The following SLC66A2 variants were observed in gnomAD, a reference collection of about 807,000 sequenced individuals.
SLC66A2 encodes the protein PQ loop repeat containing 1.
In SLC66A2, 23 loss-of-function variants were observed where a neutral mutation model predicts 25.5. The observed-to-expected ratio is 0.90, with a 90% confidence interval of 0.65 to 1.28. The LOEUF (loss-of-function observed/expected upper bound fraction) is 1.28. Among genes scored for constraint, SLC66A2 ranks in the 50% most tolerant of loss-of-function variants. SLC66A2 has a pLI of 0.00. For synonymous variants in SLC66A2, 193 were observed against 166.5 expected (o/e 1.16, Z -1.23); for missense variants, 396 against 373.1 (o/e 1.06, Z -0.51).
Position 79,910,902 on chromosome 18 carries a change from A to T in SLC66A2, c.609-6719T>A, listed in dbSNP as rs571167739. ...TTCAGTGAAACAGTCAAAGCAAGCA[A>T]CCCAGACCTAGAGAGACAGCTTTTA... is the stretch of plus-strand genomic sequence containing the variant. On this transcript the variant is annotated intron_variant, in intron 5 of 5. Transcript: ENST00000397778. Among the ~76,000 whole-genome samples the T allele has an allele frequency of 4.6e-5, 7 of 152,356 alleles. No individual in the cohort carries two copies. In the East Asian group the frequency reaches 1.2e-3, roughly 25 times the overall value.
Position 79,937,017 on chromosome 18 carries a change from C to T in SLC66A2, c.338-2995G>A, listed in dbSNP as rs930789347. The stretch of plus-strand genomic sequence containing the variant: ...GGGCAGAAGGGAGGCAGAGCTCAGG[C>T]TAAGCGACACAGCCAGGCCTGGAGG... On this transcript the variant is annotated intron_variant, in intron 3 of 5. Transcript: ENST00000397778. This position sits in a 1 kb window ranked among gnomAD's most constrained non-coding sequence, Gnocchi z 5.4. 6.6e-6 allele frequency among the ~76,000 whole-genome samples: 1 copy of T among 152,130 alleles called. No individual in the cohort carries two copies. The highest frequency in any genetic ancestry group is 2.4e-5 in the African/African-American group (1 of 41,420).
In SLC66A2 at chr18:79,950,802, C is replaced by G; in HGVS notation, c.125G>C (p.Arg42Thr). ...PYVPQYRDIR[R>T]TQNADGFSTY... ...GGAGAAGCCGTCGGCGTTCTGCGTC[C>G]TGCGAATGTCCCGATACTGCGGGAC... Residue 42 changes from arginine to threonine, a missense_variant, in exon 2 of 6, where the codon AGG becomes ACG. Physicochemically the swap from Arg to Thr is moderately conservative, Grantham distance 71. Transcript: ENST00000397778. 1 of 1,613,170 alleles carries G rather than the reference C, an allele frequency of 6.2e-7. No homozygotes were observed. Among genetic ancestry groups the G allele is most frequent in the Non-Finnish European group, 8.5e-7 (1 of 1,179,988 alleles).
At position 79,937,304 on chromosome 18, in the gene SLC66A2, CCCT is replaced by C. The variant is rs1304063844; in HGVS notation, c.338-3285_338-3283del. Among the ~76,000 whole-genome samples the C allele has an allele frequency of 5.9e-5, 9 of 152,088 alleles. No individual in the cohort carries two copies. On this transcript the variant is annotated intron_variant, in intron 3 of 5. Transcript: ENST00000397778. The surrounding 1 kb of genome is among the most constrained non-coding windows in gnomAD (Gnocchi z 5.4). ...CCAGGATCCTGTGTAGAAGCGAGACCCCTCATGCTGGGTCGAAAGGGCCCAGCA... is the reference window on the plus strand; with the variant it reads ...CCAGGATCCTGTGTAGAAGCGAGACCCATGCTGGGTCGAAAGGGCCCAGCA...
chr18:79,933,961 G>A lies in SLC66A2; in HGVS notation c.391+8C>T, dbSNP rs1986824788. The A allele has an allele frequency of 6.2e-7, 1 of 1,610,698 alleles. No homozygotes were observed. Among genetic ancestry groups the A allele is most frequent in the African/African-American group, 1.3e-5 (1 of 74,890 alleles). On this transcript the variant is annotated splice_region_variant and intron_variant, in intron 4 of 5. Coordinates refer to ENST00000397778, the MANE Select transcript of SLC66A2 (RefSeq NM_025078.5). ...GTGCTGCGGACAGTGCACGCGCAGG[G>A]TACATACCCAGGAAGGACCGCCTGG...
intron 3 of SLC66A2, 91 bp downstream of exon 3, chr18:79,943,238 G>T: frequency 6.9e-7 from 1 of 1,456,664 alleles, no homozygotes; most frequent in Non-Finnish European, 9.2e-7. Flanking sequence ...AAAGCTGCTT[G>T]GATCAGGACA....
intron 5 of SLC66A2, among the ~76,000 whole-genome samples, chr18:79,907,840 A>AAGAT (rs1982360577): frequency 6.6e-6 from 1 of 152,060 alleles, no homozygotes; most frequent in South Asian, 2.1e-4. Flanking sequence ...CTATAATACC[A>AAGAT]AGATAGTCCC....
chr18:79,942,849 C>T (rs976458857), intron 3 of SLC66A2, among the ~76,000 whole-genome samples: 2 of 152,344 alleles, frequency 1.3e-5, no homozygotes, highest in African/African-American at 4.8e-5. Flanking sequence ...CATAAAGGGG[C>T]TGCCTGACCC....
intron 3 of SLC66A2, among the ~76,000 whole-genome samples, chr18:79,939,577 A>G (rs1312217246): frequency 6.6e-6 from 1 of 152,250 alleles, no homozygotes; most frequent in African/African-American, 2.4e-5. Flanking sequence ...GGCAAAGGAC[A>G]TGAACACTTT....
chr18:79,925,217 T>A (rs1807069463), intron 4 of SLC66A2, among the ~76,000 whole-genome samples: 2 of 152,088 alleles, frequency 1.3e-5, no homozygotes, highest in South Asian at 4.1e-4. Flanking sequence ...GGCACCCCCC[T>A]TTCCAAAGCA....
At position 79,950,983 on chromosome 18, in the gene SLC66A2, C is replaced by T. The variant is rs963095989; in HGVS notation, c.-57G>A. On this transcript the variant is annotated 5_prime_UTR_variant, in exon 2 of 6. Transcript: ENST00000397778. ...GCTCCGCGCCCCGCGGGCCACCGGC[C>T]GCCTGCTCATCGCCGCTCCGCGCGC... is the stretch of plus-strand genomic sequence containing the variant. The T allele has an allele frequency of 7.4e-7, 1 of 1,352,018 alleles. No individual in the cohort carries two copies. Among genetic ancestry groups the T allele is most frequent in the Non-Finnish European group, 9.7e-7 (1 of 1,032,750 alleles). The allele number at this position is 1,352,018 out of a possible 1,614,324, so 83.8% of individuals were successfully genotyped here. A position where few individuals can be genotyped will look rare whatever the true frequency, so the allele number is the denominator to read the frequency against.
intron 5 of SLC66A2, among the ~76,000 whole-genome samples, chr18:79,913,810 GCCT>G (rs1484432787): frequency 1.3e-5 from 2 of 152,174 alleles, no homozygotes; most frequent in African/African-American, 4.8e-5. Flanking sequence ...CAGCATCTAC[GCCT>G]CCCTCACCTA....
chr18:79,916,907 T>C (rs1039594185), intron 5 of SLC66A2, among the ~76,000 whole-genome samples: 13 of 152,360 alleles, frequency 8.5e-5, no homozygotes, highest in Middle Eastern at 6.8e-3. Context: ...AGGCCCAGAT[T>C]TGCGATGGGT....
At chr18:79,914,889 G>C (rs902964515) in intron 5 of SLC66A2, among the ~76,000 whole-genome samples, 4 of 152,254 alleles carry the variant, frequency 2.6e-5, no homozygotes, top group Non-Finnish European at 5.9e-5. Flanking sequence ...AGGCTGCCAG[G>C]TGGCGTCTCA....
At chr18:79,946,480 C>T (rs1182121342) in intron 2 of SLC66A2, among the ~76,000 whole-genome samples, 1 of 152,254 alleles carries the variant, frequency 6.6e-6, no homozygotes, top group East Asian at 1.9e-4. Flanking sequence ...CCTCTTCTCA[C>T]GGCAGGTGCC....
chr18:79,934,079 G>A, intron 3 of SLC66A2, 57 bp from the exon 4 acceptor site: 1 of 1,370,408 alleles, frequency 7.3e-7, no homozygotes, highest in Non-Finnish European at 1.0e-6. Context: ...AAACATACTG[G>A]TTTTAACATG....
chr18:79,903,979 G>A lies in SLC66A2; in HGVS notation c.813C>T (p.Leu271=), dbSNP rs1315862004. The part of the protein sequence containing the change: ...HAVHPTGTKA[L] ...CACATCCTCGTCCTCCCCACTGTCA[G>A]AGGGCCTTGGTGCCAGTGGGGTGCA... Residue 271 remains leucine (L), a synonymous_variant, in exon 6 of 6, where the codon CTC becomes CTT. Coordinates refer to ENST00000397778, the MANE Select transcript of SLC66A2 (RefSeq NM_025078.5). 1 of 1,599,860 alleles carries A rather than the reference G, an allele frequency of 6.3e-7. No homozygotes were observed.
At chr18:79,922,248 T>G (rs1048901479) in intron 4 of SLC66A2, among the ~76,000 whole-genome samples, 5 of 150,190 alleles carry the variant, frequency 3.3e-5, no homozygotes, top group African/African-American at 1.2e-4. Context: ...TGAGGCCAGC[T>G]TAGGCAACAC....
intron 4 of SLC66A2, among the ~76,000 whole-genome samples, chr18:79,924,499 C>G (rs1447252112): frequency 6.6e-6 from 1 of 152,186 alleles, no homozygotes; most frequent in Non-Finnish European, 1.5e-5. Flanking sequence ...CCTAATGAGA[C>G]AGTGGTGATG....
At chr18:79,936,803 C>T (rs1248455598) in intron 3 of SLC66A2, among the ~76,000 whole-genome samples, 4 of 152,206 alleles carry the variant, frequency 2.6e-5, no homozygotes, top group Non-Finnish European at 5.9e-5. Context: ...AGCGACCTGA[C>T]CTCCGTTCCC....
Sources: gnomAD v4.1 joint callset for allele counts (sites outside exome capture counted in the v4.1 genomes callset) on GRCh38, gnomAD v4.1.1 for gene constraint, Gnocchi (gnomAD v3.1) non-coding constraint, MANE v1.5 for transcripts, NCBI Gene and HGNC (gene_info 2026-07-23, HGNC 2026-07-21) for gene names.